The following GYS2 variants were observed in gnomAD, a reference collection of about 807,000 sequenced individuals.
The protein encoded by GYS2 is glycogen [starch] synthase, liver.
GYS2 carries 80 observed loss-of-function variants against 85.6 expected under a neutral mutation model. The ratio of observed to expected loss-of-function variants is 0.93; its 90% confidence interval spans 0.78 to 1.13. The LOEUF is 1.13. Among genes scored for constraint, GYS2 ranks in the 50% most tolerant of loss-of-function variants. The pLI is 0.00. For synonymous variants in GYS2, 328 were observed against 300.7 expected (o/e 1.09, Z -0.94); for missense variants, 881 against 854.9 (o/e 1.03, Z -0.38).
Position 21,536,446 on chromosome 12 carries a change from C to A in GYS2, c.*508G>T. 6.0e-6 allele frequency: 1 copy of A among 166,098 alleles called. No individual in the cohort carries two copies. Among genetic ancestry groups the A allele is most frequent in the Non-Finnish European group, 1.3e-5 (1 of 76,678 alleles). The allele number at this position is 166,098 out of a possible 1,614,324, so 10.3% of individuals were successfully genotyped here. A position where few individuals can be genotyped will look rare whatever the true frequency, so the allele number is the denominator to read the frequency against. On this transcript the variant is annotated 3_prime_UTR_variant, in exon 16 of 16. Coordinates refer to ENST00000261195, the MANE Select transcript of GYS2 (RefSeq NM_021957.4). ...ATTCACTCATGGATTTTTGTCTCTG[C>A]AAAACTACATCTAAATCATGGTTCT...
At chr12:21,538,237 C>CAAGAATTTTTTTTTTTTTTT (rs1943932807) in intron 15 of GYS2, among the ~76,000 whole-genome samples, 1 of 152,076 alleles carries the variant, frequency 6.6e-6, no homozygotes, top group Non-Finnish European at 1.5e-5. Context: ...TTAAGAAAAC[C>CAAGAATTTTTTTTTTTTTTT]TTATCACCTT....
chr12:21,574,290 G>A lies in GYS2; in HGVS notation c.532C>T (p.Gln178Ter). ...DHADGKYVVA[Q>*]FHEWQAGIGL... ...ATTCCAGCCTGCCATTCATGGAATT[G>A]GGCAACGACATATTTACCATCTGCA... is the stretch of plus-strand genomic sequence containing the variant. The change falls in exon 4 of 16, where the codon CAA becomes TAA. Residue 178 changes from glutamine (Q) to a stop codon, truncating the protein, a stop_gained. Coordinates refer to ENST00000261195, the MANE Select transcript of GYS2 (RefSeq NM_021957.4). LOFTEE classifies it high-confidence loss of function. The A allele has an allele frequency of 6.2e-7, 1 of 1,613,838 alleles. No individual in the cohort carries two copies. Among genetic ancestry groups the A allele is most frequent in the Non-Finnish European group, 8.5e-7 (1 of 1,179,794 alleles).
intron 11 of GYS2, among the ~76,000 whole-genome samples, chr12:21,550,290 C>A (rs1293012842): frequency 6.7e-6 from 1 of 148,554 alleles, no homozygotes; most frequent in Non-Finnish European, 1.5e-5. Flanking sequence ...TTACTTCCCC[C>A]AAGTGCTCTG....
intron 3 of GYS2, among the ~76,000 whole-genome samples, 181 bp from the exon 4 acceptor site, chr12:21,574,507 C>G (rs983641655): frequency 1.3e-5 from 2 of 152,036 alleles, no homozygotes; most frequent in African/African-American, 4.8e-5. Flanking sequence ...TTCATTAACC[C>G]CATATATTTT....
In GYS2 at chr12:21,536,220, C is replaced by T. The variant is rs1943908908; in HGVS notation, c.*734G>A. ...TATTAAATATTAATGTGTTTATTTA[C>T]TTGGATTTTACAAGTTATCATCTAT... is the stretch of plus-strand genomic sequence containing the variant. On this transcript the variant is annotated 3_prime_UTR_variant, in exon 16 of 16. Coordinates refer to ENST00000261195, the MANE Select transcript of GYS2 (RefSeq NM_021957.4). The T allele has an allele frequency of 6.6e-6, 1 of 152,090 alleles. No individual in the cohort carries two copies. 9.4% of individuals were successfully genotyped at this position (152,090 alleles called of 1,614,324 possible).
rs528246013 is a variant in GYS2 at position 21,583,274 on chromosome 12, G to A, written c.122-2751C>T. On this transcript the variant is annotated intron_variant, in intron 1 of 15. Transcript: ENST00000261195. ...CAGTAAAATTTATAGGGGTCCAATG[G>A]TTTGGGGCTCTTTGAGATATTCCTT... Among the ~76,000 whole-genome samples the A allele has an allele frequency of 3.7e-4, 56 of 152,310 alleles. No individual in the cohort carries two copies. In the Middle Eastern group the frequency reaches 0.01, roughly 28 times the overall value.
rs146200724 is a variant in GYS2, at chr12:21,580,404, A to C, written c.241T>G (p.Cys81Gly). 1.2e-6 allele frequency: 2 copies of C among 1,613,688 alleles called. No individual in the cohort carries two copies. Among genetic ancestry groups the C allele is most frequent in the African/African-American group, 2.7e-5 (2 of 75,034 alleles). The change falls in exon 2 of 16, where the codon TGT (cysteine) becomes GGT (glycine). Residue 81 changes from cysteine to glycine, a missense_variant. Cys to Gly is a radical substitution (Grantham distance 159). Coordinates refer to ENST00000261195, the MANE Select transcript of GYS2 (RefSeq NM_021957.4). The stretch of plus-strand genomic sequence containing the variant: ...CTGACAGCATCATTTACAGGTTCAC[A>C]CTGTTCCACCTGAGTCTTCATATTA... ...EHNMKTQVEQ[C>G]EPVNDAVRRA...
chr12:21,553,138 C>T (rs1368567254), intron 11 of GYS2, among the ~76,000 whole-genome samples: 2 of 152,240 alleles, frequency 1.3e-5, no homozygotes, highest in Non-Finnish European at 2.9e-5. Flanking sequence ...CATCCTCAAA[C>T]TCCTGGCCTC....
chr12:21,604,537 T>A lies in GYS2; in HGVS notation c.56A>T (p.Glu19Val). The part of the protein sequence containing the change: ...VTSLGGLPQW[E>V]VEELPVEELL... The stretch of plus-strand genomic sequence containing the variant: ...CTCCTCCACAGGAAGTTCTTCGACT[T>A]CCCACTGGGGAAGCCCACCCAGGGA... The change falls in exon 1 of 16, where the codon GAA (glutamate) becomes GTA (valine). Residue 19 changes from glutamate (E) to valine (V), a missense_variant. Glu to Val is a moderately radical substitution (Grantham distance 121, BLOSUM62 -2). Coordinates refer to ENST00000261195, the MANE Select transcript of GYS2 (RefSeq NM_021957.4). 6.2e-7 allele frequency: 1 copy of A among 1,612,814 alleles called. No homozygotes were observed. The highest frequency in any genetic ancestry group is 8.5e-7 in the Non-Finnish European group (1 of 1,179,034).
intron 15 of GYS2, among the ~76,000 whole-genome samples, chr12:21,538,573 A>G (rs1438479255): frequency 6.6e-6 from 1 of 152,108 alleles, no homozygotes; most frequent in Non-Finnish European, 1.5e-5. Context: ...CTCATTTGCA[A>G]TGGTATGGGT....
chr12:21,594,182 A>G (rs1261323767), intron 1 of GYS2, among the ~76,000 whole-genome samples: 2 of 152,158 alleles, frequency 1.3e-5, no homozygotes, highest in East Asian at 3.9e-4. Flanking sequence ...TCCTCTAAGA[A>G]CTGAAACAAA....
intron 1 of GYS2, among the ~76,000 whole-genome samples, chr12:21,587,141 AG>A (rs1944583175): frequency 6.6e-6 from 1 of 152,196 alleles, no homozygotes; most frequent in African/African-American, 2.4e-5. Flanking sequence ...ACGATGAGTA[AG>A]CATAGACATA....
At chr12:21,590,091 C>A (rs1472675594) in intron 1 of GYS2, among the ~76,000 whole-genome samples, 2 of 152,150 alleles carry the variant, frequency 1.3e-5, no homozygotes, top group Non-Finnish European at 2.9e-5. Context: ...CTTGCAGCCA[C>A]CATCTGGGGC....
chr12:21,549,412 A>G (rs1342422736), intron 11 of GYS2, among the ~76,000 whole-genome samples: 2 of 152,244 alleles, frequency 1.3e-5, no homozygotes, highest in Non-Finnish European at 2.9e-5. Context: ...GCATTCTTAC[A>G]TAATCTTACA....
rs1227437861 is a variant in GYS2 at position 21,536,474 on chromosome 12, T to G, written c.*480A>C. On this transcript the variant is annotated 3_prime_UTR_variant, in exon 16 of 16. Coordinates refer to ENST00000261195, the MANE Select transcript of GYS2 (RefSeq NM_021957.4). Reference sequence around the variant, plus strand: ...AACTACATCTAAATCATGGTTCTGATGCATGTGAAAAATGAAAATAATCAG... The same window carrying G: ...AACTACATCTAAATCATGGTTCTGAGGCATGTGAAAAATGAAAATAATCAG... 1 of 182,294 alleles carries G rather than the reference T, an allele frequency of 5.5e-6. No homozygotes were observed. Among genetic ancestry groups the G allele is most frequent in the Non-Finnish European group, 1.1e-5 (1 of 87,010 alleles). The allele number at this position is 182,294 out of a possible 1,614,324, so 11.3% of individuals were successfully genotyped here.
At chr12:21,556,268 A>T (rs1944178158) in intron 11 of GYS2, among the ~76,000 whole-genome samples, 1 of 152,028 alleles carries the variant, frequency 6.6e-6, no homozygotes, top group African/African-American at 2.4e-5. Context: ...TCCAGGGCCC[A>T]AGCAATCCTC....
Position 21,536,890 on chromosome 12 carries a change from T to G in GYS2, c.*64A>C. On this transcript the variant is annotated 3_prime_UTR_variant, in exon 16 of 16. Transcript: ENST00000261195. ...GAGAAAATGAAATTTGTGGCATTTT[T>G]ATTTTAAATAATTAGTCTTACTTTG... The G allele has an allele frequency of 2.6e-6, 3 of 1,134,604 alleles. No individual in the cohort carries two copies. Among genetic ancestry groups the G allele is most frequent in the Non-Finnish European group, 4.0e-6 (3 of 749,498 alleles). 70.3% of individuals were successfully genotyped at this position (1,134,604 alleles called of 1,614,324 possible). A position where few individuals can be genotyped will look rare whatever the true frequency, so the allele number is the denominator to read the frequency against.
At chr12:21,568,012 C>T (rs1456753783) in intron 5 of GYS2, among the ~76,000 whole-genome samples, 1 of 151,310 alleles carries the variant, frequency 6.6e-6, no homozygotes, top group Non-Finnish European at 1.5e-5. Flanking sequence ...GCAGAAGCTG[C>T]AGTGAGCTGA....
chr12:21,549,909 T>C (rs1944086277), intron 11 of GYS2, among the ~76,000 whole-genome samples: 1 of 152,212 alleles, frequency 6.6e-6, no homozygotes, highest in South Asian at 2.1e-4. Flanking sequence ...GAGGCAGTTA[T>C]TTCGAAGCTG....
Sources: gnomAD v4.1 joint callset for allele counts (sites outside exome capture counted in the v4.1 genomes callset) on GRCh38, gnomAD v4.1.1 for gene constraint, MANE v1.5 for transcripts, NCBI Gene and HGNC (gene_info 2026-07-23, HGNC 2026-07-21) for gene names.